SPON1: variants seen among roughly 807,000 people sequenced by gnomAD.
The protein encoded by SPON1 is spondin 1.
In SPON1, 52 loss-of-function variants were observed where a neutral mutation model predicts 111.7. That is an observed-to-expected ratio of 0.47 (90% CI 0.37 to 0.59). The LOEUF (loss-of-function observed/expected upper bound fraction) is 0.59, where lower values mean the gene tolerates loss of function less well. Ranked by LOEUF, SPON1 falls within the 20% of genes least tolerant of loss-of-function variation. SPON1 has a pLI of 0.00. For synonymous variants in SPON1, 410 were observed against 395.8 expected (o/e 1.04, Z -0.43); for missense variants, 957 against 1,068.5 (o/e 0.90, Z 1.46).
At chr11:14,137,155 C>A (rs1160637499) in intron 6 of SPON1, among the ~76,000 whole-genome samples, 2 of 152,164 alleles carry the variant, frequency 1.3e-5, no homozygotes, top group Non-Finnish European at 2.9e-5. Context: ...AAGAAAGAAT[C>A]CTGCAGGAAT....
chr11:14,190,246 G>A (rs1223037473), intron 6 of SPON1, among the ~76,000 whole-genome samples: 4 of 152,150 alleles, frequency 2.6e-5, no homozygotes, highest in Admixed American at 1.3e-4. Flanking sequence ...CCAGGAGCCT[G>A]AAAGCAGGTC....
At chr11:14,123,696 C>G (rs1255302731) in intron 5 of SPON1, among the ~76,000 whole-genome samples, 1 of 152,168 alleles carries the variant, frequency 6.6e-6, no homozygotes, top group Non-Finnish European at 1.5e-5. Flanking sequence ...TTCCTCCTCT[C>G]TGGCATTCTA....
At chr11:14,215,446 G>A (rs1848616827) in intron 6 of SPON1, among the ~76,000 whole-genome samples, 1 of 152,182 alleles carries the variant, frequency 6.6e-6, no homozygotes, top group Non-Finnish European at 1.5e-5. Context: ...CTTGAAGGCA[G>A]GGACTGGCAA....
intron 5 of SPON1, among the ~76,000 whole-genome samples, chr11:14,091,318 C>A (rs926649043): frequency 6.6e-6 from 1 of 152,208 alleles, no homozygotes; most frequent in Admixed American, 6.5e-5. Context: ...AGTCCCGTGC[C>A]GAGCGCTGGC....
At chr11:14,203,944 AGC>A (rs1554935922) in intron 6 of SPON1, among the ~76,000 whole-genome samples, 19 of 152,216 alleles carry the variant, frequency 1.2e-4, no homozygotes, top group African/African-American at 4.3e-4. Context: ...CAACAGGGAG[AGC>A]AGGGAAGTCC....
intron 3 of SPON1, among the ~76,000 whole-genome samples, chr11:14,062,947 G>T (rs1848802522): frequency 1.1e-4 from 17 of 151,992 alleles, no homozygotes; most frequent in Admixed American, 1.1e-3. Flanking sequence ...GCAACTACCT[G>T]GTTTTGCTCT....
chr11:14,040,627 A>G (rs1554917194), intron 2 of SPON1, among the ~76,000 whole-genome samples: 1 of 152,232 alleles, frequency 6.6e-6, no homozygotes, highest in Non-Finnish European at 1.5e-5. Context: ...AAAGTAAAAT[A>G]AATACAATAT....
At chr11:13,980,075 C>T (rs1368873813) in intron 1 of SPON1, among the ~76,000 whole-genome samples, 1 of 151,548 alleles carries the variant, frequency 6.6e-6, no homozygotes, top group African/African-American at 2.4e-5. Flanking sequence ...GAGTCACGCT[C>T]TGTTGCCCAG....
intron 6 of SPON1, among the ~76,000 whole-genome samples, chr11:14,138,869 C>T (rs531753607): frequency 1.3e-5 from 2 of 152,206 alleles, no homozygotes; most frequent in East Asian, 3.9e-4. Flanking sequence ...CAAACTTGTG[C>T]CTTCTCTTTT....
At chr11:14,089,204 G>A (rs1849030580) in intron 5 of SPON1, among the ~76,000 whole-genome samples, 1 of 152,088 alleles carries the variant, frequency 6.6e-6, no homozygotes, top group African/African-American at 2.4e-5. Flanking sequence ...TGTAGGAGAA[G>A]AGGCATTCTG....
chr11:14,203,777 C>T lies in SPON1; in HGVS notation c.826-39555C>T, dbSNP rs188329764. Among the ~76,000 whole-genome samples, 125 of 152,268 alleles carry T rather than the reference C, an allele frequency of 8.2e-4. 1 individual carries two copies. Among genetic ancestry groups the T allele is most frequent in the Middle Eastern group, 3.4e-3 (1 of 294 alleles). ...TCTCCAAATAGATACACACAGGATACACCACCTCAGCCCAGAGATATTTAA... is the reference window on the plus strand; with the variant it reads ...TCTCCAAATAGATACACACAGGATATACCACCTCAGCCCAGAGATATTTAA... On this transcript the variant is annotated intron_variant, in intron 6 of 15. Transcript: ENST00000576479.
At chr11:14,142,941 G>A (rs372041201) in intron 6 of SPON1, among the ~76,000 whole-genome samples, 8 of 152,276 alleles carry the variant, frequency 5.3e-5, no homozygotes, top group African/African-American at 1.7e-4. Context: ...TGCCCCCAGT[G>A]TCAGGTGGTC....
chr11:14,041,400 A>T, intron 2 of SPON1, 121 bp from the exon 3 acceptor site: 1 of 1,175,920 alleles, frequency 8.5e-7, no homozygotes, highest in South Asian at 1.5e-5. Flanking sequence ...GCCTGGGGAT[A>T]CAGAGTTGCT....
chr11:14,160,511 A>ATATATATATATT (rs1847907389), intron 6 of SPON1, among the ~76,000 whole-genome samples: 1 of 15,688 alleles, frequency 6.4e-5, no homozygotes, highest in Non-Finnish European at 9.6e-5. Context: ...ATATATATTT[A>ATATATATATATT]TATATATATT....
chr11:14,162,553 C>T (rs541352071), intron 6 of SPON1, among the ~76,000 whole-genome samples: 2 of 152,176 alleles, frequency 1.3e-5, no homozygotes, highest in Admixed American at 1.3e-4. Flanking sequence ...GTATAGAACT[C>T]CTGAGTTTTA....
intron 6 of SPON1, among the ~76,000 whole-genome samples, chr11:14,231,095 G>C (rs530534694): frequency 6.7e-6 from 1 of 150,186 alleles, no homozygotes; most frequent in Non-Finnish European, 1.5e-5. Context: ...TTACAGGCAT[G>C]AGCCACTGTG....
At chr11:14,082,296 A>G (rs1848968995) in intron 5 of SPON1, among the ~76,000 whole-genome samples, 1 of 152,220 alleles carries the variant, frequency 6.6e-6, no homozygotes. Context: ...CGTGTGTTCC[A>G]GATCTTCTAG....
chr11:14,171,378 T>A (rs1848097946), intron 6 of SPON1, among the ~76,000 whole-genome samples: 1 of 152,232 alleles, frequency 6.6e-6, no homozygotes, highest in Non-Finnish European at 1.5e-5. Flanking sequence ...ATTTGATTGT[T>A]CTCTCTTTTC....
intron 6 of SPON1, among the ~76,000 whole-genome samples, chr11:14,153,229 C>T (rs1847807408): frequency 6.6e-6 from 1 of 152,150 alleles, no homozygotes; most frequent in African/African-American, 2.4e-5. Flanking sequence ...AACCTTAGAA[C>T]ACTGTAATTC....
Sources: allele counts gnomAD v4.1 joint callset (sites outside exome capture counted in the v4.1 genomes callset), GRCh38; gene constraint gnomAD v4.1.1; transcripts MANE v1.5; gene names NCBI Gene and HGNC (gene_info 2026-07-23, HGNC 2026-07-21).